Variants in RTN4IP1 observed in about 807,000 individuals in gnomAD.
The protein encoded by RTN4IP1 is reticulon 4 interacting protein 1.
A neutral mutation model predicts 46.6 loss-of-function variants in RTN4IP1; 32 were observed. The ratio of observed to expected loss-of-function variants is 0.69; its 90% CI spans 0.52 to 0.92. The LOEUF is 0.92. RTN4IP1 is among the 40% of genes least tolerant of loss of function. The probability of loss-of-function intolerance (pLI) is 0.00; values close to 1 mark genes in which losing one functional copy is unlikely to be tolerated. For missense variants in RTN4IP1, 424 were observed against 485.8 expected, an observed-to-expected ratio of 0.87 and a Z score of 1.20; for synonymous variants, 167 against 161.8, an observed-to-expected ratio of 1.03 and a Z score of -0.24.
intron 4 of RTN4IP1, among the ~76,000 whole-genome samples, chr6:106,603,164 C>T (rs1775986882): frequency 6.6e-6 from 1 of 151,938 alleles, no homozygotes; most frequent in Admixed American, 6.6e-5. Context: ...ACCGAAAATA[C>T]CAATAATTTG....
At chr6:106,588,661 T>C (rs1300471674) in intron 6 of RTN4IP1, among the ~76,000 whole-genome samples, 1 of 152,244 alleles carries the variant, frequency 6.6e-6, no homozygotes, top group Non-Finnish European at 1.5e-5. Flanking sequence ...AAGATCTATA[T>C]AGAGAATACA....
In RTN4IP1 at chr6:106,594,068, T is replaced by C. The variant is rs112665042; in HGVS notation, c.670-1768A>G. ...TGTCACATGTTGAAACAGGTTTTTT[T>C]CCTCAAATTTCTGGTTTTTCCCCTC... On this transcript the variant is annotated intron_variant, in intron 5 of 8. Transcript: ENST00000369063. Among the ~76,000 whole-genome samples, 414 of 152,354 alleles carry C rather than the reference T, an allele frequency of 2.7e-3. 4 individuals carry two copies. The highest frequency in any genetic ancestry group is 9.4e-3 in the African/African-American group (389 of 41,580).
In RTN4IP1 at chr6:106,628,258, G is replaced by A. The variant is rs184652903; in HGVS notation, c.274+490C>T. Among the ~76,000 whole-genome samples, 257 of 152,016 alleles carry A rather than the reference G, an allele frequency of 1.7e-3. 1 individual carries two copies. The highest frequency in any genetic ancestry group is 5.9e-3 in the African/African-American group (246 of 41,432). ...GAGGCAGAGGATCGCCTGAGGTCAG[G>A]AGTTCGAGACCAGCCTGACCAACAT... On this transcript the variant is annotated intron_variant, in intron 1 of 8. Transcript: ENST00000369063.
intron 4 of RTN4IP1, among the ~76,000 whole-genome samples, chr6:106,614,416 C>T (rs1448688770): frequency 6.6e-6 from 1 of 152,114 alleles, no homozygotes; most frequent in Non-Finnish European, 1.5e-5. Context: ...ATAAAGAGAA[C>T]ATCTGACTGG....
At chr6:106,629,748 G>T (rs766072877), upstream of RTN4IP1, 2 of 1,585,452 alleles carry the variant, frequency 1.3e-6, no homozygotes. Flanking sequence ...AGGGCGGAAA[G>T]TTTAACGGAC....
intron 6 of RTN4IP1, among the ~76,000 whole-genome samples, chr6:106,591,833 A>G (rs577108724): frequency 6.6e-6 from 1 of 152,278 alleles, no homozygotes; most frequent in African/African-American, 2.4e-5. Flanking sequence ...ACTACTCTAT[A>G]TTCTTCCTGT....
intron 4 of RTN4IP1, among the ~76,000 whole-genome samples, chr6:106,610,022 C>T (rs747985501): frequency 1.3e-5 from 2 of 152,134 alleles, no homozygotes; most frequent in Non-Finnish European, 2.9e-5. Context: ...CAGGTTTCAA[C>T]CATATCTTTC....
intron 8 of RTN4IP1, 168 bp from the exon 9 acceptor site, chr6:106,572,271 C>T: frequency 6.6e-6 from 4 of 606,124 alleles, no homozygotes; most frequent in East Asian, 5.5e-5. Flanking sequence ...GCTGCCTCCA[C>T]TCCTGCCTCA....
Position 106,598,046 on chromosome 6 carries a change from T to C in RTN4IP1, c.669+4828A>G, listed in dbSNP as rs1193603264. 5.3e-5 allele frequency among the ~76,000 whole-genome samples: 8 copies of C among 152,332 alleles called. No homozygotes were observed. In the East Asian group the frequency reaches 1.5e-3, roughly 29 times the overall value. ...GAACTCATCATTTTTTATGGCTGCA[T>C]AGTATTCCATGGTGTATATGTGCCA... On this transcript the variant is annotated intron_variant, in intron 5 of 8. Coordinates refer to ENST00000369063, the MANE Select transcript of RTN4IP1 (RefSeq NM_032730.5).
Position 106,606,366 on chromosome 6 carries a change from G to C in RTN4IP1, c.621-3444C>G, listed in dbSNP as rs113149136. ...CCCAGGAAGGCGGAGGTTGCAGTGA[G>C]CTAAGATCGTGCCACTGCCCTCCAG... On this transcript the variant is annotated intron_variant, in intron 4 of 8. Transcript: ENST00000369063. 2.9e-3 allele frequency among the ~76,000 whole-genome samples: 444 copies of C among 152,272 alleles called. 3 individuals are homozygous for C. Among genetic ancestry groups the C allele is most frequent in the African/African-American group, 0.01 (432 of 41,554 alleles).
At chr6:106,619,487 G>A (rs1776430398) in intron 3 of RTN4IP1, among the ~76,000 whole-genome samples, 161 bp from the exon 4 acceptor site, 1 of 152,020 alleles carries the variant, frequency 6.6e-6, no homozygotes, top group African/African-American at 2.4e-5. Context: ...TGCCACCTCT[G>A]AGACCAGCAA....
rs763196079 is a variant in RTN4IP1, at chr6:106,583,367, T to C, written c.1044A>G (p.Pro348=). The change falls in exon 8 of 9, where the codon CCA becomes CCG. Residue 348 remains proline, a synonymous_variant. Transcript: ENST00000369063. ...YRWAFFMASG[P]CLDDIAELVD... Reference sequence around the variant, plus strand: ...CCAGTTCTGCAATGTCATCTAAACATGGGCCACTGGCCATGAAAAATGCCC... The same window carrying C: ...CCAGTTCTGCAATGTCATCTAAACACGGGCCACTGGCCATGAAAAATGCCC... The C allele has an allele frequency of 1.1e-5, 17 of 1,613,658 alleles. No homozygotes were observed. The East Asian group carries it at 2.7e-4, about 25-fold the overall frequency.
At chr6:106,587,654 C>T (rs1366648115) in intron 7 of RTN4IP1, 25 bp downstream of exon 7, 1 of 1,586,686 alleles carries the variant, frequency 6.3e-7, no homozygotes, top group Non-Finnish European at 8.6e-7. Flanking sequence ...TGCCTGCAGT[C>T]ACCAACCAAG....
At chr6:106,583,051 T>A (rs1775406101) in intron 8 of RTN4IP1, among the ~76,000 whole-genome samples, 1 of 152,118 alleles carries the variant, frequency 6.6e-6, no homozygotes, top group South Asian at 2.1e-4. Flanking sequence ...TTTGGGGGAA[T>A]CCTATAACCT....
At position 106,622,922 on chromosome 6, in the gene RTN4IP1, C is replaced by T. The variant is rs756187910; in HGVS notation, c.322G>A (p.Val108Met). 23 of 1,613,950 alleles carry T rather than the reference C, an allele frequency of 1.4e-5. No homozygotes were observed. Among genetic ancestry groups the T allele is most frequent in the South Asian group, 2.2e-5 (2 of 91,076 alleles). ...GGAAATTCTTCTCCTTTGATTTTCA[C>T]GTGTAAAGGATCACGCTTCATATTT... ...ALNMKRDPLH[V>M]KIKGEEFPLT... Residue 108 changes from valine to methionine, a missense_variant, in exon 2 of 9, where the codon GTG becomes ATG. By Grantham distance (21) the Val-to-Met change is conservative (BLOSUM62 1). Coordinates refer to ENST00000369063, the MANE Select transcript of RTN4IP1 (RefSeq NM_032730.5).
At position 106,628,907 on chromosome 6, in the gene RTN4IP1, T is replaced by C. The variant is rs1329478871; in HGVS notation, c.115A>G (p.Arg39Gly). Residue 39 changes from arginine to glycine, a missense_variant, in exon 1 of 9, where the codon AGG becomes GGG. Transcript: ENST00000369063. ...SVRRISTTSP[R>G]STVMPAWVID... ...ACCCAAGCAGGCATGACAGTGCTCC[T>C]AGGAGAGGTAGTACTAATCCTTCTA... 2 of 1,614,052 alleles carry C rather than the reference T, an allele frequency of 1.2e-6. No individual in the cohort carries two copies. Among genetic ancestry groups the C allele is most frequent in the African/African-American group, 2.7e-5 (2 of 74,940 alleles).
At chr6:106,628,357 C>T (rs1776708013) in intron 1 of RTN4IP1, among the ~76,000 whole-genome samples, 1 of 151,864 alleles carries the variant, frequency 6.6e-6, no homozygotes, top group Non-Finnish European at 1.5e-5. Context: ...ATCCCAGCTA[C>T]TCGGGAGGCT....
chr6:106,583,541 C>A lies in RTN4IP1; in HGVS notation c.991-121G>T, dbSNP rs530413272. The A allele has an allele frequency of 1.9e-5, 14 of 740,958 alleles. No individual in the cohort carries two copies. In the East Asian group the frequency reaches 3.9e-4, roughly 21 times the overall value. 45.9% of individuals were successfully genotyped at this position (740,958 alleles called of 1,614,324 possible). On this transcript the variant is annotated intron_variant, in intron 7 of 8. Coordinates refer to ENST00000369063, the MANE Select transcript of RTN4IP1 (RefSeq NM_032730.5). ...AAACTGATTTCTCATTTCATGCTGA[C>A]AAAATGTGTGCACAGCACCTTGGCA...
intron 5 of RTN4IP1, among the ~76,000 whole-genome samples, chr6:106,600,683 C>T (rs983038297): frequency 5.3e-5 from 8 of 151,930 alleles, no homozygotes; most frequent in Non-Finnish European, 1.2e-4. Context: ...ATATGTAGGA[C>T]CTTTTGTTTC....
Sources: gnomAD v4.1 joint callset for allele counts (sites outside exome capture counted in the v4.1 genomes callset) on GRCh38, gnomAD v4.1.1 for gene constraint, MANE v1.5 for transcripts, NCBI Gene and HGNC (gene_info 2026-07-23, HGNC 2026-07-21) for gene names.